Variants in GSE1 observed in about 807,000 individuals in gnomAD.
GSE1 encodes the protein Gse1 coiled-coil protein.
In GSE1, 32 loss-of-function variants were observed where a neutral mutation model predicts 112.6. The observed-to-expected ratio is 0.28, with a 90% CI of 0.21 to 0.38. The LOEUF is 0.38. GSE1 is among the 10% of genes least tolerant of loss of function. GSE1 has a pLI of 1.00. For missense variants in GSE1, 2,348 were observed against 1,699.2 expected (o/e 1.38, Z -6.71); for synonymous variants, 1,115 against 735.6 (o/e 1.52, Z -8.35).
chr16:85,564,250 G>C (rs940826916), intron 1 of GSE1, among the ~76,000 whole-genome samples: 1 of 152,154 alleles, frequency 6.6e-6, no homozygotes, highest in Non-Finnish European at 1.5e-5. Context: ...GAGTGAGGCT[G>C]GGAGGAAGGA....
intron 1 of GSE1, among the ~76,000 whole-genome samples, chr16:85,345,258 T>C (rs921056154): frequency 6.6e-6 from 1 of 152,214 alleles, no homozygotes; most frequent in African/African-American, 2.4e-5. Flanking sequence ...ATAAAAATTA[T>C]ATGAAATTCA....
At chr16:85,642,240 G>C (rs1379982043) in intron 2 of GSE1, among the ~76,000 whole-genome samples, 2 of 152,258 alleles carry the variant, frequency 1.3e-5, no homozygotes. Flanking sequence ...GAGCCCTGGA[G>C]GTTGAGGCTG....
At chr16:85,468,630 G>T (rs763146387) in intron 2 of GSE1, among the ~76,000 whole-genome samples, 5 of 151,970 alleles carry the variant, frequency 3.3e-5, no homozygotes, top group African/African-American at 7.3e-5. Context: ...CCCTCGTAGG[G>T]CCCTTCTGTG....
intron 8 of GSE1, among the ~76,000 whole-genome samples, chr16:85,659,117 C>T (rs1035051336): frequency 2.0e-5 from 3 of 152,214 alleles, no homozygotes; most frequent in Non-Finnish European, 2.9e-5. Context: ...ACAGCTTCTT[C>T]CTGTGGTTCC....
chr16:85,347,761 A>G (rs1431301228), intron 1 of GSE1, among the ~76,000 whole-genome samples: 3 of 150,030 alleles, frequency 2.0e-5, no homozygotes, highest in Non-Finnish European at 3.0e-5. Context: ...TGCTGTGGAC[A>G]TAGTGGCTGC....
chr16:85,591,902 G>T (rs990464238), intron 1 of GSE1, among the ~76,000 whole-genome samples: 2 of 152,156 alleles, frequency 1.3e-5, no homozygotes, highest in South Asian at 4.1e-4. Context: ...TTCTAGATCC[G>T]CGATGCCCAA....
intron 1 of GSE1, among the ~76,000 whole-genome samples, chr16:85,174,903 G>A (rs754058201): frequency 8.5e-5 from 13 of 152,126 alleles, no homozygotes; most frequent in South Asian, 2.1e-4. Context: ...TGATCCTCAC[G>A]TGCATCTTCC....
intron 1 of GSE1, among the ~76,000 whole-genome samples, chr16:85,309,142 CG>C (rs1362594567): frequency 6.6e-6 from 1 of 151,634 alleles, no homozygotes; most frequent in South Asian, 2.1e-4. Flanking sequence ...CGACCCAGGC[CG>C]CCCACAGGAA....
In GSE1 at chr16:85,533,548, A is replaced by C. The variant is rs79882159; in HGVS notation, c.2465-100366A>C. ...GCATATGTTGGAAGATGGGTGTTCA[A>C]AGTATGTTTTTAGCTTTTAATATCA... On this transcript the variant is annotated intron_variant, in intron 2 of 2. Coordinates refer to the GSE1 transcript ENST00000637419. 5.3e-3 allele frequency among the ~76,000 whole-genome samples: 813 copies of C among 151,996 alleles called. 7 individuals are homozygous for C. Among genetic ancestry groups the C allele is most frequent in the African/African-American group, 0.019 (779 of 41,470 alleles).
At chr16:85,429,476 G>C (rs982583628) in intron 2 of GSE1, among the ~76,000 whole-genome samples, 2 of 152,206 alleles carry the variant, frequency 1.3e-5, no homozygotes, top group African/African-American at 2.4e-5. Flanking sequence ...TGACAAGTGC[G>C]AATCTGCTAG....
At chr16:85,409,974 C>CT (rs751823659) in intron 2 of GSE1, among the ~76,000 whole-genome samples, 2 of 22,608 alleles carry the variant, frequency 8.8e-5, no homozygotes, top group African/African-American at 5.7e-4. Flanking sequence ...TCAGGGCCCC[C>CT]GGATAATCCT....
At chr16:85,188,968 A>G (rs1483391086) in intron 1 of GSE1, among the ~76,000 whole-genome samples, 2 of 152,184 alleles carry the variant, frequency 1.3e-5, no homozygotes, top group African/African-American at 2.4e-5. Flanking sequence ...GGCTTTTATC[A>G]GACTTGCTGT....
intron 1 of GSE1, among the ~76,000 whole-genome samples, chr16:85,184,471 C>G (rs2074659387): frequency 6.6e-6 from 1 of 152,194 alleles, no homozygotes; most frequent in African/African-American, 2.4e-5. Context: ...AGAAGGGGGC[C>G]AGGCACTGGC....
intron 1 of GSE1, among the ~76,000 whole-genome samples, chr16:85,230,006 C>T (rs1567625000): frequency 6.6e-6 from 1 of 152,220 alleles, no homozygotes; most frequent in Non-Finnish European, 1.5e-5. Context: ...ATTGAAAGGG[C>T]TCTGGGAACG....
chr16:85,459,712 G>A (rs1038218618), intron 2 of GSE1, among the ~76,000 whole-genome samples: 1 of 152,204 alleles, frequency 6.6e-6, no homozygotes, highest in African/African-American at 2.4e-5. Context: ...CCCTGCAGAG[G>A]AGTATATTGA....
chr16:85,661,858 C>T (rs1252871242), intron 9 of GSE1, 93 bp downstream of exon 9: 2 of 1,290,630 alleles, frequency 1.5e-6, no homozygotes, highest in Non-Finnish European at 2.1e-6. Flanking sequence ...TCTCCGTCCA[C>T]TCCTGCTTTT....
At chr16:85,383,244 A>G (rs2047600002) in intron 2 of GSE1, among the ~76,000 whole-genome samples, 1 of 151,944 alleles carries the variant, frequency 6.6e-6, no homozygotes, top group African/African-American at 2.4e-5. Context: ...ACATGCACAC[A>G]CAGCCTGTCA....
At chr16:85,444,781 G>C (rs567887126) in intron 2 of GSE1, among the ~76,000 whole-genome samples, 8 of 152,128 alleles carry the variant, frequency 5.3e-5, no homozygotes, top group Non-Finnish European at 8.8e-5. Context: ...TCATGCCATC[G>C]CTGTGCTGGG....
chr16:85,613,140 A>C, upstream of GSE1: 1 of 1,249,572 alleles, frequency 8.0e-7, no homozygotes, highest in African/African-American at 1.6e-5. Context: ...GAAACCCGAC[A>C]CCTCCCGCTG....
Sources: allele counts gnomAD v4.1 joint callset (sites outside exome capture counted in the v4.1 genomes callset), GRCh38; gene constraint gnomAD v4.1.1; transcripts MANE v1.5; gene names NCBI Gene and HGNC (gene_info 2026-07-23, HGNC 2026-07-21).